Variants in TEK observed in about 807,000 individuals in gnomAD.
TEK encodes TEK receptor tyrosine kinase, also known as angiopoietin-1 receptor.
In TEK, 43 loss-of-function variants were observed where a neutral mutation model predicts 131.8. That is an observed-to-expected ratio of 0.33 (90% CI 0.26 to 0.42). TEK has a LOEUF of 0.42. TEK is among the 10% of genes least tolerant of loss of function. The pLI, the probability that TEK is intolerant of heterozygous loss-of-function variation, is 1.00. For synonymous variants in TEK, 580 were observed against 491.6 expected, an observed-to-expected ratio of 1.18 and a Z score of -2.38; for missense variants, 1,162 against 1,384.4, an observed-to-expected ratio of 0.84 and a Z score of 2.55.
chr9:27,145,544 A>G (rs577460417), intron 1 of TEK, among the ~76,000 whole-genome samples: 1 of 152,246 alleles, frequency 6.6e-6, no homozygotes, highest in Non-Finnish European at 1.5e-5. Flanking sequence ...ACAGAAATCA[A>G]TGATTTAGAA....
At chr9:27,191,676 T>C (rs1253514808) in intron 10 of TEK, among the ~76,000 whole-genome samples, 1 of 152,174 alleles carries the variant, frequency 6.6e-6, no homozygotes, top group Non-Finnish European at 1.5e-5. Flanking sequence ...GTATTATTAC[T>C]GAGTCCTTCA....
chr9:27,224,058 C>T (rs1433484820), intron 21 of TEK, among the ~76,000 whole-genome samples: 2 of 152,078 alleles, frequency 1.3e-5, no homozygotes, highest in Non-Finnish European at 2.9e-5. Flanking sequence ...ATGTTTAAAC[C>T]AGGAAGAAGT....
At chr9:27,208,570 T>C (rs998991107) in intron 15 of TEK, among the ~76,000 whole-genome samples, 2 of 152,240 alleles carry the variant, frequency 1.3e-5, no homozygotes, top group African/African-American at 2.4e-5. Flanking sequence ...TTTGTTTAGC[T>C]CAATCAACCA....
intron 1 of TEK, among the ~76,000 whole-genome samples, chr9:27,110,387 G>C (rs1291062791): frequency 6.6e-6 from 1 of 152,098 alleles, no homozygotes; most frequent in Non-Finnish European, 1.5e-5. Flanking sequence ...GGTTCAGCGT[G>C]TTTATTGCTT....
At chr9:27,123,974 G>C (rs193133977) in intron 1 of TEK, among the ~76,000 whole-genome samples, 3 of 152,068 alleles carry the variant, frequency 2.0e-5, no homozygotes, top group East Asian at 1.9e-4. Flanking sequence ...ATGGGGTTTC[G>C]CCAAGTTGGT....
chr9:27,122,466 G>A (rs1337216066), intron 1 of TEK, among the ~76,000 whole-genome samples: 2 of 152,108 alleles, frequency 1.3e-5, no homozygotes, highest in African/African-American at 2.4e-5. Context: ...TGGTTTTTGC[G>A]GCTACACAAT....
In TEK at chr9:27,180,382, A is replaced by G. The variant is rs1414286592; in HGVS notation, c.1030+14A>G. ...GTGAGAGAGAAGGTAAAGCAAGGTA[A>G]CACTGTAGTCAGGGCCATGTTCAGC... On this transcript the variant is annotated intron_variant, in intron 7 of 22. Coordinates refer to ENST00000380036, the MANE Select transcript of TEK (RefSeq NM_000459.5). The G allele has an allele frequency of 8.1e-6, 13 of 1,610,874 alleles. No homozygotes were observed. The South Asian group carries it at 1.4e-4, about 18-fold the overall frequency.
chr9:27,117,971 G>A (rs1261144065), intron 1 of TEK, among the ~76,000 whole-genome samples: 1 of 152,190 alleles, frequency 6.6e-6, no homozygotes, highest in Non-Finnish European at 1.5e-5. Context: ...CATTGCTGGG[G>A]CTGGGGAGGC....
At chr9:27,222,632 G>T (rs1826131930) in intron 21 of TEK, among the ~76,000 whole-genome samples, 1 of 152,080 alleles carries the variant, frequency 6.6e-6, no homozygotes. Context: ...AACTGAAGGA[G>T]AAATAAATCC....
intron 1 of TEK, among the ~76,000 whole-genome samples, chr9:27,133,681 A>T (rs997675611): frequency 6.6e-6 from 1 of 152,146 alleles, no homozygotes; most frequent in African/African-American, 2.4e-5. Flanking sequence ...AGGGGTTCCA[A>T]AGGAGATGCC....
chr9:27,211,004 C>A (rs1419195224), intron 16 of TEK, among the ~76,000 whole-genome samples: 1 of 151,974 alleles, frequency 6.6e-6, no homozygotes, highest in Non-Finnish European at 1.5e-5. Context: ...TGCCTGTAGT[C>A]CCAGCTACTC....
At chr9:27,138,202 A>G (rs146534171) in intron 1 of TEK, among the ~76,000 whole-genome samples, 3,687 of 152,298 alleles carry the variant, frequency 0.024, 153 homozygotes, top group Admixed American at 0.11. Context: ...AGAGCAAAAG[A>G]ACAAAGATTC....
At chr9:27,149,773 A>G (rs1024646882) in intron 1 of TEK, among the ~76,000 whole-genome samples, 2 of 152,162 alleles carry the variant, frequency 1.3e-5, no homozygotes, top group African/African-American at 4.8e-5. Context: ...GGGTGTGGGT[A>G]TGTACGTCTT....
intron 12 of TEK, among the ~76,000 whole-genome samples, chr9:27,197,945 A>G (rs1825087785): frequency 6.6e-6 from 1 of 152,208 alleles, no homozygotes; most frequent in Non-Finnish European, 1.5e-5. Flanking sequence ...ATGTCAGTTA[A>G]TTCCAGATGG....
intron 18 of TEK, among the ~76,000 whole-genome samples, chr9:27,215,166 C>G (rs1825771914): frequency 6.6e-6 from 1 of 152,178 alleles, no homozygotes; most frequent in South Asian, 2.1e-4. Context: ...CACTGGTTTG[C>G]TTGGCATTTC....
At chr9:27,213,026 C>A in intron 17 of TEK, 129 bp downstream of exon 17, 3 of 1,020,702 alleles carry the variant, frequency 2.9e-6, no homozygotes, top group Non-Finnish European at 4.4e-6. Flanking sequence ...TCATTTTAAT[C>A]TCTCTGTGAA....
chr9:27,218,056 G>A (rs1338612505), intron 19 of TEK, among the ~76,000 whole-genome samples: 2 of 148,104 alleles, frequency 1.4e-5, no homozygotes, highest in African/African-American at 4.9e-5. Flanking sequence ...CGGCCTTCCT[G>A]TGGCTCCTCT....
At chr9:27,173,737 GTTTTTTTTTTTTT>G (rs35971876) in intron 6 of TEK, among the ~76,000 whole-genome samples, 1 of 93,984 alleles carries the variant, frequency 1.1e-5, no homozygotes, top group Non-Finnish European at 2.1e-5. Flanking sequence ...TTTTTTTTTG[GTTTTTTTTTTTTT>G]TTTTTTTCAG....
At chr9:27,205,540 A>G (rs897701600) in intron 14 of TEK, among the ~76,000 whole-genome samples, 12 of 152,090 alleles carry the variant, frequency 7.9e-5, no homozygotes, top group Admixed American at 3.9e-4. Flanking sequence ...CACCCCTCGT[A>G]TGTGTAAGAA....
Sources: allele counts gnomAD v4.1 joint callset (sites outside exome capture counted in the v4.1 genomes callset), GRCh38; gene constraint gnomAD v4.1.1; transcripts MANE v1.5; gene names NCBI Gene and HGNC (gene_info 2026-07-23, HGNC 2026-07-21).